RNF175: variants seen among roughly 807,000 people sequenced by gnomAD.
RNF175 encodes the protein ring finger protein 175.
RNF175 carries 38 observed loss-of-function variants against 50.0 expected under a neutral mutation model. The observed-to-expected ratio is 0.76, with a 90% CI of 0.59 to 1.00. The LOEUF (loss-of-function observed/expected upper bound fraction) is 1.00. Among genes scored for constraint, RNF175 ranks in the 50% least tolerant of loss-of-function variants. The pLI is 0.00. For synonymous variants in RNF175, 155 were observed against 146.1 expected (o/e 1.06, Z -0.44); for missense variants, 388 against 409.6 (o/e 0.95, Z 0.46).
At chr4:153,730,253 T>G (rs533734287) in intron 3 of RNF175, among the ~76,000 whole-genome samples, 1 of 152,244 alleles carries the variant, frequency 6.6e-6, no homozygotes, top group South Asian at 2.1e-4. Flanking sequence ...GAGACCAGCC[T>G]GGGCAACATG....
At chr4:153,733,151 G>A (rs1026967037) in intron 3 of RNF175, among the ~76,000 whole-genome samples, 2 of 152,036 alleles carry the variant, frequency 1.3e-5, no homozygotes, top group African/African-American at 4.8e-5. Flanking sequence ...CAGAAGACGG[G>A]CATACTTGTT....
chr4:153,759,205 A>G (rs1016978890), intron 1 of RNF175, among the ~76,000 whole-genome samples: 3 of 152,224 alleles, frequency 2.0e-5, no homozygotes, highest in Admixed American at 1.3e-4. Context: ...CGCCAGCAGA[A>G]GCAGAAATGG....
At chr4:153,720,410 A>T (rs1439087204) in intron 5 of RNF175, 106 bp from the exon 6 acceptor site, 4 of 767,790 alleles carry the variant, frequency 5.2e-6, no homozygotes, top group East Asian at 2.8e-5. Flanking sequence ...CCTTGTGGGT[A>T]TTTTTTTTTT....
At chr4:153,734,662 A>ATTT (rs1739239419) in intron 3 of RNF175, among the ~76,000 whole-genome samples, 1 of 33,080 alleles carries the variant, frequency 3.0e-5, no homozygotes, top group African/African-American at 1.3e-4. Flanking sequence ...TTGTTTTTTT[A>ATTT]TTCTTTTTTT....
intron 6 of RNF175, among the ~76,000 whole-genome samples, chr4:153,718,230 G>GTTTTTT (rs1272804247): frequency 1.5e-3 from 47 of 31,840 alleles, no homozygotes; most frequent in South Asian, 4.0e-3. Flanking sequence ...TTGTTTGTTT[G>GTTTTTT]TTTGTTTGTT....
At chr4:153,759,158 T>A (rs1024045541) in intron 1 of RNF175, among the ~76,000 whole-genome samples, 3 of 152,132 alleles carry the variant, frequency 2.0e-5, no homozygotes, top group Non-Finnish European at 2.9e-5. Context: ...AATTGTCCTA[T>A]GAACGAAGAA....
At chr4:153,746,538 G>A (rs1394408876) in intron 3 of RNF175, among the ~76,000 whole-genome samples, 1 of 151,620 alleles carries the variant, frequency 6.6e-6, no homozygotes, top group Admixed American at 6.6e-5. Flanking sequence ...GTTGCATGCT[G>A]CATGCCCATA....
intron 8 of RNF175, among the ~76,000 whole-genome samples, chr4:153,711,654 G>A (rs774667953): frequency 3.9e-5 from 6 of 152,202 alleles, no homozygotes; most frequent in Non-Finnish European, 8.8e-5. Context: ...GCAGGTTGAT[G>A]CCAACCTTTC....
At chr4:153,718,230 G>GTTTTTTTTTTTTTTTTTTTTTTTT (rs1272804247) in intron 6 of RNF175, among the ~76,000 whole-genome samples, 1 of 31,844 alleles carries the variant, frequency 3.1e-5, no homozygotes, top group African/African-American at 8.3e-5. Context: ...TTGTTTGTTT[G>GTTTTTTTTTTTTTTTTTTTTTTTT]TTTGTTTGTT....
intron 1 of RNF175, among the ~76,000 whole-genome samples, 177 bp from the exon 2 acceptor site, chr4:153,751,652 C>CA (rs996252578): frequency 2.0e-5 from 3 of 151,954 alleles, no homozygotes; most frequent in Admixed American, 1.3e-4. Context: ...ACAACACAAA[C>CA]AAAAAAAGAG....
chr4:153,759,786 C>G lies in RNF175; in HGVS notation c.66+11G>C. On this transcript the variant is annotated intron_variant, in intron 1 of 8. Coordinates refer to ENST00000347063, the MANE Select transcript of RNF175 (RefSeq NM_173662.4). The stretch of plus-strand genomic sequence containing the variant: ...CTGGCGTCCCCCACGCCCGCGCCCC[C>G]GCGCCAGTACCTGCTCCTGCTGCGG... 2 of 1,474,088 alleles carry G rather than the reference C, an allele frequency of 1.4e-6. No homozygotes were observed. Among genetic ancestry groups the G allele is most frequent in the South Asian group, 1.3e-5 (1 of 77,486 alleles). The allele number at this position is 1,474,088 out of a possible 1,614,324, so 91.3% of individuals were successfully genotyped here. A position where few individuals can be genotyped will look rare whatever the true frequency, so the allele number is the denominator to read the frequency against.
In RNF175 at chr4:153,748,755, G is replaced by A. The variant is rs776559879; in HGVS notation, c.136C>T (p.Arg46Trp). 1.4e-5 allele frequency: 22 copies of A among 1,611,816 alleles called. No individual in the cohort carries two copies. The highest frequency in any genetic ancestry group is 2.2e-5 in the East Asian group (1 of 44,834). The change falls in exon 3 of 9, where the codon CGG (arginine) becomes TGG (tryptophan). Residue 46 changes from arginine to tryptophan, a missense_variant. Arg to Trp is a moderately radical substitution (Grantham distance 101, BLOSUM62 -3). Coordinates refer to ENST00000347063, the MANE Select transcript of RNF175 (RefSeq NM_173662.4). ...LQQERMYKMH[R>W]GHDSMHVEMI... is the part of the protein sequence containing the mutation. The stretch of plus-strand genomic sequence containing the variant: ...TCCACGTGCATGGAATCGTGGCCCC[G>A]GTGCATCTTGTACATCCTCTCCTGC...
Position 153,728,234 on chromosome 4 carries a change from C to T in RNF175, c.374G>A (p.Arg125Gln), listed in dbSNP as rs370716978. ...ITSYILFRAT[R>Q]KPLSGRTPRL... Reference sequence around the variant, plus strand: ...TGGTGTCCTTCCTGAGAGGGGTTTTCGGGTAGCTCTGAAGAGGATGTAACT... The same window carrying T: ...TGGTGTCCTTCCTGAGAGGGGTTTTTGGGTAGCTCTGAAGAGGATGTAACT... The change falls in exon 4 of 9, where the codon CGA (arginine) becomes CAA (glutamine). Residue 125 changes from arginine to glutamine, a missense_variant. Transcript: ENST00000347063. 1.6e-5 allele frequency: 26 copies of T among 1,613,076 alleles called. No homozygotes were observed. The highest frequency in any genetic ancestry group is 5.3e-5 in the African/African-American group (4 of 74,868).
intron 2 of RNF175, among the ~76,000 whole-genome samples, chr4:153,749,505 A>G (rs1280002584): frequency 6.6e-6 from 1 of 152,232 alleles, no homozygotes; most frequent in Non-Finnish European, 1.5e-5. Context: ...ACTATAATAG[A>G]GAGAAAGAAT....
chr4:153,732,238 A>AAAAAC (rs1739084266), intron 3 of RNF175, among the ~76,000 whole-genome samples: 3 of 151,618 alleles, frequency 2.0e-5, no homozygotes, highest in Non-Finnish European at 2.9e-5. Flanking sequence ...TCTCAAAAAA[A>AAAAAC]AAAAACAAAA....
At chr4:153,710,745 G>A (rs893838908) in intron 8 of RNF175, among the ~76,000 whole-genome samples, 2 of 152,086 alleles carry the variant, frequency 1.3e-5, no homozygotes, top group Admixed American at 6.5e-5. Flanking sequence ...AGAATCAAAG[G>A]CAAGGGTATA....
At chr4:153,754,551 A>C (rs1579108783) in intron 1 of RNF175, among the ~76,000 whole-genome samples, 1 of 152,304 alleles carries the variant, frequency 6.6e-6, no homozygotes, top group East Asian at 1.9e-4. Flanking sequence ...GTGTCCTCCC[A>C]AAAGATATGT....
chr4:153,744,957 A>G (rs1739891176), intron 3 of RNF175, among the ~76,000 whole-genome samples: 1 of 152,238 alleles, frequency 6.6e-6, no homozygotes, highest in East Asian at 1.9e-4. Context: ...ATAATACAGA[A>G]CTCAAAAGAA....
At chr4:153,757,223 A>G (rs561273400) in intron 1 of RNF175, among the ~76,000 whole-genome samples, 2 of 152,266 alleles carry the variant, frequency 1.3e-5, no homozygotes, top group South Asian at 4.2e-4. Context: ...ACTGACCTTG[A>G]ACATTGTTAC....
Sources: allele counts gnomAD v4.1 joint callset (sites outside exome capture counted in the v4.1 genomes callset), GRCh38; gene constraint gnomAD v4.1.1; transcripts MANE v1.5; gene names NCBI Gene and HGNC (gene_info 2026-07-23, HGNC 2026-07-21).